PRTFDC1: variants seen among roughly 807,000 people sequenced by gnomAD.
PRTFDC1 encodes phosphoribosyl transferase domain containing 1, also known as phosphoribosyltransferase domain-containing protein 1.
A neutral mutation model predicts 34.6 loss-of-function variants in PRTFDC1; 38 were observed. The observed-to-expected ratio is 1.10, with a 90% CI of 0.85 to 1.44. The LOEUF is 1.44. Among genes scored for constraint, PRTFDC1 ranks in the 40% most tolerant of loss-of-function variants. The pLI is 0.00. For missense variants in PRTFDC1, 270 were observed against 283.0 expected, an observed-to-expected ratio of 0.95 and a Z score of 0.33; for synonymous variants, 93 against 98.1, an observed-to-expected ratio of 0.95 and a Z score of 0.31.
chr10:24,923,269 C>G (rs528136408), intron 3 of PRTFDC1, among the ~76,000 whole-genome samples: 9 of 152,336 alleles, frequency 5.9e-5, no homozygotes, highest in African/African-American at 2.2e-4. Context: ...TTAAACATCC[C>G]CGTCTGATAG....
intron 2 of PRTFDC1, among the ~76,000 whole-genome samples, chr10:24,938,658 C>T (rs975649953): frequency 6.6e-5 from 10 of 152,040 alleles, no homozygotes; most frequent in Non-Finnish European, 1.2e-4. Context: ...ATAGGAAGTT[C>T]CAGGGAGGAG....
chr10:24,938,885 C>CCCCACACA (rs1849097504), intron 2 of PRTFDC1, among the ~76,000 whole-genome samples: 1 of 152,154 alleles, frequency 6.6e-6, no homozygotes, highest in South Asian at 2.1e-4. Flanking sequence ...ACTTTCAAGT[C>CCCCACACA]CCCACACACC....
At chr10:24,923,306 G>T (rs567478173) in intron 3 of PRTFDC1, among the ~76,000 whole-genome samples, 73 of 152,350 alleles carry the variant, frequency 4.8e-4, no homozygotes, top group African/African-American at 1.7e-3. Flanking sequence ...GGTTCTCCCA[G>T]CACAGCATTC....
intron 7 of PRTFDC1, 31 bp downstream of exon 7, chr10:24,855,287 A>G (rs1180775388): frequency 1.3e-6 from 2 of 1,597,552 alleles, no homozygotes; most frequent in Non-Finnish European, 1.7e-6. Flanking sequence ...AAACAAACAA[A>G]CAAACAAACA....
In PRTFDC1 at chr10:24,942,459, T is replaced by C. The variant is rs576602917; in HGVS notation, c.49-23A>G. 9 of 1,580,304 alleles carry C rather than the reference T, an allele frequency of 5.7e-6. No homozygotes were observed. In the East Asian group the frequency reaches 1.3e-4, roughly 24 times the overall value. ...AATCTGCAAATCAAATTATTTTGGT[T>C]ATGGTATTTTTTCATCAGAAATTTG... On this transcript the variant is annotated intron_variant, in intron 1 of 8. Transcript: ENST00000320152.
intron 3 of PRTFDC1, among the ~76,000 whole-genome samples, chr10:24,919,263 T>C (rs979964479): frequency 3.3e-5 from 5 of 152,144 alleles, no homozygotes; most frequent in African/African-American, 9.7e-5. Context: ...CAAAACAGCA[T>C]GGTACAAGTA....
chr10:24,870,345 T>C (rs778674818), intron 4 of PRTFDC1, among the ~76,000 whole-genome samples: 4 of 152,280 alleles, frequency 2.6e-5, no homozygotes, highest in Non-Finnish European at 5.9e-5. Flanking sequence ...CGACCTCAAA[T>C]GATCTGCCCA....
intron 3 of PRTFDC1, chr10:24,908,552 A>G (rs1451354916): frequency 7.4e-6 from 12 of 1,612,804 alleles, no homozygotes; most frequent in Non-Finnish European, 9.3e-6. Context: ...GAAACAGGGA[A>G]TGAGCACTTG....
chr10:24,906,432 C>T (rs1456518909), intron 3 of PRTFDC1, among the ~76,000 whole-genome samples: 3 of 152,108 alleles, frequency 2.0e-5, no homozygotes, highest in Non-Finnish European at 4.4e-5. Flanking sequence ...GTAAGAATTA[C>T]AAAAACATGG....
chr10:24,932,369 A>G (rs1294000522), intron 3 of PRTFDC1, among the ~76,000 whole-genome samples: 1 of 151,986 alleles, frequency 6.6e-6, no homozygotes, highest in Non-Finnish European at 1.5e-5. Context: ...AATCATCTCT[A>G]TTTAAGGAAG....
chr10:24,895,960 T>G (rs1267077624), intron 3 of PRTFDC1, among the ~76,000 whole-genome samples: 1 of 152,116 alleles, frequency 6.6e-6, no homozygotes, highest in African/African-American at 2.4e-5. Flanking sequence ...CCCCCCTTCT[T>G]TCTTTCACTG....
At chr10:24,868,442 A>G (rs1239351420) in intron 4 of PRTFDC1, among the ~76,000 whole-genome samples, 2 of 152,116 alleles carry the variant, frequency 1.3e-5, no homozygotes, top group Non-Finnish European at 2.9e-5. Context: ...TAATAACATG[A>G]TGATAAATGT....
chr10:24,878,821 C>T (rs1001883515), intron 3 of PRTFDC1, among the ~76,000 whole-genome samples: 1 of 152,088 alleles, frequency 6.6e-6, no homozygotes, highest in African/African-American at 2.4e-5. Flanking sequence ...AGAGAACCAC[C>T]CTCTAAGCCA....
intron 4 of PRTFDC1, among the ~76,000 whole-genome samples, chr10:24,862,099 T>A (rs1174368322): frequency 6.6e-6 from 1 of 152,192 alleles, no homozygotes; most frequent in Non-Finnish European, 1.5e-5. Context: ...TGATACATGC[T>A]TAACTGTTTA....
At chr10:24,891,487 T>C (rs1848260491) in intron 3 of PRTFDC1, among the ~76,000 whole-genome samples, 1 of 152,110 alleles carries the variant, frequency 6.6e-6, no homozygotes, top group African/African-American at 2.4e-5. Context: ...TCCTCTTTCC[T>C]TAAAAATAAA....
intron 3 of PRTFDC1, among the ~76,000 whole-genome samples, chr10:24,903,756 T>C (rs975351311): frequency 2.6e-5 from 4 of 151,630 alleles, no homozygotes; most frequent in East Asian, 1.9e-4. Flanking sequence ...TAGGCTGTAG[T>C]GCAGTGCTCC....
chr10:24,890,315 C>T (rs142430343), intron 3 of PRTFDC1, among the ~76,000 whole-genome samples: 1 of 152,234 alleles, frequency 6.6e-6, no homozygotes, highest in Non-Finnish European at 1.5e-5. Flanking sequence ...GACCTCTGCT[C>T]TTAGGTTTTT....
At chr10:24,915,264 C>T (rs1407700784) in intron 3 of PRTFDC1, among the ~76,000 whole-genome samples, 1 of 152,062 alleles carries the variant, frequency 6.6e-6, no homozygotes, top group Admixed American at 6.6e-5. Context: ...TTTCCATATT[C>T]TCTTCATTAT....
rs1029179153 is a variant in PRTFDC1 at position 24,927,803 on chromosome 10, A to C, written c.339+9381T>G. 2.6e-5 allele frequency among the ~76,000 whole-genome samples: 4 copies of C among 152,070 alleles called. No individual in the cohort carries two copies. The East Asian group carries it at 7.8e-4, about 29-fold the overall frequency. ...CACCATGTTGGCCAGAATGGACTCT[A>C]TCTCTTGACCCTGTGATCTGCCTGC... On this transcript the variant is annotated intron_variant, in intron 3 of 8. Coordinates refer to ENST00000320152, the MANE Select transcript of PRTFDC1 (RefSeq NM_020200.7).
Sources: gnomAD v4.1 joint callset for allele counts (sites outside exome capture counted in the v4.1 genomes callset) on GRCh38, gnomAD v4.1.1 for gene constraint, MANE v1.5 for transcripts, NCBI Gene and HGNC (gene_info 2026-07-23, HGNC 2026-07-21) for gene names.